The following MEF2A variants were observed in gnomAD, a reference collection of about 807,000 sequenced individuals.
MEF2A encodes myocyte-specific enhancer factor 2A.
In MEF2A, 28 loss-of-function variants were observed where a neutral mutation model predicts 55.8. The ratio of observed to expected loss-of-function variants is 0.50; its 90% confidence interval spans 0.37 to 0.69. The LOEUF (loss-of-function observed/expected upper bound fraction) is 0.69, where lower values mean the gene tolerates loss of function less well. MEF2A is among the 30% of genes least tolerant of loss of function. The pLI is 0.00. For missense variants in MEF2A, 528 were observed against 626.2 expected (o/e 0.84, Z 1.67); for synonymous variants, 239 against 227.1 (o/e 1.05, Z -0.47).
At position 99,712,348 on chromosome 15, in the gene MEF2A, G is replaced by A; in HGVS notation, c.1137-42G>A. On this transcript the variant is annotated intron_variant, in intron 11 of 11. Transcript: ENST00000557942. This position sits in a 1 kb window ranked among gnomAD's most constrained non-coding sequence, Gnocchi z 4.1. ...ACTGTATCATCCCAGTTTTGCAGAGGTACTTGCAAGCCATCTGACCTCTCT... is the reference window on the plus strand; with the variant it reads ...ACTGTATCATCCCAGTTTTGCAGAGATACTTGCAAGCCATCTGACCTCTCT... 1 of 1,487,726 alleles carries A rather than the reference G, an allele frequency of 6.7e-7. No homozygotes were observed. Among genetic ancestry groups the A allele is most frequent in the Non-Finnish European group, 9.0e-7 (1 of 1,113,716 alleles). 92.2% of individuals were successfully genotyped at this position (1,487,726 alleles called of 1,614,324 possible). A position where few individuals can be genotyped will look rare whatever the true frequency, so the allele number is the denominator to read the frequency against.
intron 4 of MEF2A, among the ~76,000 whole-genome samples, chr15:99,659,588 C>T (rs2048309860): frequency 6.6e-6 from 1 of 152,126 alleles, no homozygotes; most frequent in Admixed American, 6.5e-5. Context: ...AAGAAATGAG[C>T]ATAGCATATT....
In MEF2A at chr15:99,642,420, TG is replaced by T. The variant is rs1228201496; in HGVS notation, c.55-3139del. Reference sequence around the variant, plus strand: ...CTTTGCTAAATGCTCTGGGCTTTTTTGGTATCTTCATTATCTGTCAACAATA... The same window carrying T: ...CTTTGCTAAATGCTCTGGGCTTTTTTGTATCTTCATTATCTGTCAACAATA... On this transcript the variant is annotated intron_variant, in intron 3 of 11. Transcript: ENST00000557942. Among the ~76,000 whole-genome samples, 5 of 152,306 alleles carry T rather than the reference TG, an allele frequency of 3.3e-5. No individual in the cohort carries two copies. In the South Asian group the frequency reaches 1.0e-3, roughly 32 times the overall value.
chr15:99,642,247 A>G (rs1221481364), intron 3 of MEF2A, among the ~76,000 whole-genome samples: 1 of 152,086 alleles, frequency 6.6e-6, no homozygotes. Flanking sequence ...AAAGTCACTC[A>G]CTTCCTTCCT....
intron 7 of MEF2A, among the ~76,000 whole-genome samples, chr15:99,676,594 C>G (rs912142110): frequency 6.7e-6 from 1 of 149,408 alleles, no homozygotes; most frequent in African/African-American, 2.5e-5. Context: ...TTTTTTGAGA[C>G]GGAGTCTCGC....
intron 2 of MEF2A, among the ~76,000 whole-genome samples, chr15:99,600,763 T>A (rs1422617071): frequency 3.2e-5 from 3 of 94,740 alleles, no homozygotes; most frequent in African/African-American, 8.6e-5. Flanking sequence ...TATATATCCT[T>A]ATGACAGTGC....
At position 99,633,046 on chromosome 15, in the gene MEF2A, A is replaced by T; in HGVS notation, c.-74A>T. On this transcript the variant is annotated 5_prime_UTR_variant, in exon 3 of 12. Coordinates refer to ENST00000557942, the MANE Select transcript of MEF2A (RefSeq NM_001319206.4). Reference sequence around the variant, plus strand: ...AAATAACAGAAGCTGTGTACGATGCATTAGGGTATTGAAGAAAATTAACTT... The same window carrying T: ...AAATAACAGAAGCTGTGTACGATGCTTTAGGGTATTGAAGAAAATTAACTT... 1 of 1,250,122 alleles carries T rather than the reference A, an allele frequency of 8.0e-7. No individual in the cohort carries two copies. The highest frequency in any genetic ancestry group is 1.1e-6 in the Non-Finnish European group (1 of 877,080). The allele number at this position is 1,250,122 out of a possible 1,614,324, so 77.4% of individuals were successfully genotyped here.
intron 2 of MEF2A, among the ~76,000 whole-genome samples, chr15:99,617,181 T>G (rs1229124972): frequency 6.6e-6 from 1 of 152,188 alleles, no homozygotes; most frequent in Non-Finnish European, 1.5e-5. Flanking sequence ...ACTGCCATAC[T>G]GAGTTACCTA....
chr15:99,663,310 A>T (rs1444684224), intron 4 of MEF2A, among the ~76,000 whole-genome samples: 1 of 152,186 alleles, frequency 6.6e-6, no homozygotes, highest in African/African-American at 2.4e-5. Flanking sequence ...CTGTAAACAG[A>T]TGCCAAAGAT....
At chr15:99,633,272 T>G in intron 3 of MEF2A, 99 bp downstream of exon 3, 1 of 790,624 alleles carries the variant, frequency 1.3e-6, no homozygotes. Flanking sequence ...TAATTTTAAG[T>G]CTAAATATTT....
chr15:99,597,370 A>G (rs1047304423), intron 1 of MEF2A, among the ~76,000 whole-genome samples: 2 of 152,150 alleles, frequency 1.3e-5, no homozygotes, highest in Non-Finnish European at 2.9e-5. Flanking sequence ...TCCCAGGCTC[A>G]TTAGGAAGAG....
At chr15:99,646,870 A>G (rs1195201109) in intron 4 of MEF2A, among the ~76,000 whole-genome samples, 1 of 152,094 alleles carries the variant, frequency 6.6e-6, no homozygotes, top group East Asian at 1.9e-4. Context: ...AGCTTTTGTT[A>G]CTTTTTAGTC....
chr15:99,624,972 G>A (rs979759694), intron 2 of MEF2A, among the ~76,000 whole-genome samples: 3 of 152,122 alleles, frequency 2.0e-5, no homozygotes, highest in African/African-American at 2.4e-5. Context: ...TGAAAGTGTT[G>A]AATTAATTAC....
rs561569259 is a variant in MEF2A at position 99,706,502 on chromosome 15, G to A, written c.883-227G>A. 2.5e-5 allele frequency: 12 copies of A among 484,518 alleles called. 1 individual carries two copies. Among genetic ancestry groups the A allele is most frequent in the South Asian group, 2.3e-4 (10 of 43,564 alleles). The allele number at this position is 484,518 out of a possible 1,614,324, so 30.0% of individuals were successfully genotyped here. On this transcript the variant is annotated intron_variant, in intron 9 of 11. Transcript: ENST00000557942. ...AACAGAAGTTCCTATTTTAACGTGG[G>A]GTGTCTGACACTAATCAACTATTTT...
At chr15:99,610,936 C>G (rs557936144) in intron 2 of MEF2A, among the ~76,000 whole-genome samples, 1 of 152,316 alleles carries the variant, frequency 6.6e-6, no homozygotes, top group South Asian at 2.1e-4. Context: ...CATTTTGCTT[C>G]TAGGGACACT....
chr15:99,658,972 T>A (rs974931429), intron 4 of MEF2A, among the ~76,000 whole-genome samples: 1 of 152,164 alleles, frequency 6.6e-6, no homozygotes, highest in Admixed American at 6.5e-5. Flanking sequence ...ATGTCTAATT[T>A]ATCAGTAAAT....
chr15:99,586,118 A>T (rs528746085), intron 1 of MEF2A, among the ~76,000 whole-genome samples: 5 of 152,320 alleles, frequency 3.3e-5, no homozygotes, highest in African/African-American at 1.2e-4. Context: ...TATTATGAAT[A>T]AAGTTGCTAT....
intron 2 of MEF2A, among the ~76,000 whole-genome samples, chr15:99,619,952 G>A (rs2040854441): frequency 6.6e-6 from 1 of 152,192 alleles, no homozygotes; most frequent in Admixed American, 6.5e-5. Flanking sequence ...AGATAGTAAA[G>A]TAGAAGCAAC....
chr15:99,654,580 A>AGG (rs529212694), intron 4 of MEF2A, among the ~76,000 whole-genome samples: 6 of 135,674 alleles, frequency 4.4e-5, no homozygotes, highest in Non-Finnish European at 7.9e-5. Context: ...ATTAAAAAAA[A>AGG]AGGGGGGGGT....
intron 3 of MEF2A, among the ~76,000 whole-genome samples, chr15:99,639,526 TGTTGCA>T (rs1246122399): frequency 6.6e-6 from 1 of 152,174 alleles, no homozygotes; most frequent in Non-Finnish European, 1.5e-5. Context: ...TTATAAATGG[TGTTGCA>T]GTATACATCT....
Sources: gnomAD v4.1 joint callset for allele counts (sites outside exome capture counted in the v4.1 genomes callset) on GRCh38, gnomAD v4.1.1 for gene constraint, Gnocchi (gnomAD v3.1) non-coding constraint, MANE v1.5 for transcripts, NCBI Gene and HGNC (gene_info 2026-07-23, HGNC 2026-07-21) for gene names.